Variants in DPYSL5 observed in about 807,000 individuals in gnomAD.
The protein encoded by DPYSL5 is dihydropyrimidinase like 5, also known as dihydropyrimidinase-related protein 5.
In DPYSL5, 9 loss-of-function variants were observed where a neutral mutation model predicts 58.4. That is an observed-to-expected ratio of 0.15 (90% CI 0.09 to 0.27). The LOEUF is 0.27. Ranked by LOEUF, DPYSL5 falls within the 10% of genes least tolerant of loss-of-function variation. The probability of loss-of-function intolerance (pLI) is 1.00; values close to 1 mark genes in which losing one functional copy is unlikely to be tolerated. For missense variants in DPYSL5, 499 were observed against 770.6 expected (o/e 0.65, Z 4.17); for synonymous variants, 293 against 301.9 (o/e 0.97, Z 0.31).
At chr2:26,935,691 CAAAA>C (rs60367850) in intron 8 of DPYSL5, among the ~76,000 whole-genome samples, 1 of 122,706 alleles carries the variant, frequency 8.1e-6, no homozygotes, top group Non-Finnish European at 1.6e-5. Context: ...GACTCCATCT[CAAAA>C]AAAAAAAAAA....
chr2:26,854,407 C>T (rs1051361825), intron 1 of DPYSL5, among the ~76,000 whole-genome samples: 1 of 152,004 alleles, frequency 6.6e-6, no homozygotes, highest in Non-Finnish European at 1.5e-5. Flanking sequence ...TGCAGTGAGC[C>T]AAGATCACAC....
intron 2 of DPYSL5, among the ~76,000 whole-genome samples, chr2:26,916,134 C>A (rs933757646): frequency 6.6e-6 from 1 of 152,138 alleles, no homozygotes; most frequent in Non-Finnish European, 1.5e-5. Context: ...AAACCTCCCC[C>A]GTTATTTATT....
In DPYSL5 at chr2:26,924,003, C is replaced by T. The variant is rs944481129; in HGVS notation, c.262-884C>T. On this transcript the variant is annotated intron_variant, in intron 2 of 12. Coordinates refer to ENST00000288699, the MANE Select transcript of DPYSL5 (RefSeq NM_020134.4). This position sits in a 1 kb window ranked among gnomAD's most constrained non-coding sequence, Gnocchi z 4.7. ...TTTTAAGTTTTGTTTGGGAACAACA[C>T]ATTAGCCTGAAATAGCCTTTGATCG... 3.9e-5 allele frequency among the ~76,000 whole-genome samples: 6 copies of T among 152,178 alleles called. No homozygotes were observed. Among genetic ancestry groups the T allele is most frequent in the African/African-American group, 1.4e-4 (6 of 41,434 alleles).
At chr2:26,916,043 T>C (rs4665923) in intron 2 of DPYSL5, among the ~76,000 whole-genome samples, 55,639 of 151,952 alleles carry the variant, frequency 0.37, 10,698 homozygotes, top group Admixed American at 0.53. Flanking sequence ...ATCAGCTCTA[T>C]CTCCATGTGT....
At chr2:26,932,203 G>GAAAGAAAGA (rs1553321160) in intron 6 of DPYSL5, among the ~76,000 whole-genome samples, 3 of 60,936 alleles carry the variant, frequency 4.9e-5, no homozygotes, top group African/African-American at 1.1e-4. Context: ...AAGAAAGAAA[G>GAAAGAAAGA]AAAGAAAAGA....
intron 12 of DPYSL5, among the ~76,000 whole-genome samples, chr2:26,945,333 T>G (rs1212690062): frequency 6.6e-6 from 1 of 150,956 alleles, no homozygotes; most frequent in African/African-American, 2.4e-5. Context: ...GGAATTGTAT[T>G]GTATATATTT....
chr2:26,940,949 T>TG (rs1199132565), intron 9 of DPYSL5, among the ~76,000 whole-genome samples: 3 of 142,106 alleles, frequency 2.1e-5, no homozygotes, highest in Admixed American at 6.9e-5. Context: ...TTATTTTTTT[T>TG]TGTGTGTGAT....
In DPYSL5 at chr2:26,905,347, A is replaced by G. The variant is rs1461413008; in HGVS notation, c.261+6587A>G. The stretch of plus-strand genomic sequence containing the variant: ...AGTCCCTGTCACAGAATACATATAC[A>G]ATAAATGCTAGTCCCCAGGCTGGGA... On this transcript the variant is annotated intron_variant, in intron 2 of 12. Transcript: ENST00000288699. This position sits in a 1 kb window ranked among gnomAD's most constrained non-coding sequence, Gnocchi z 4.0. Among the ~76,000 whole-genome samples the G allele has an allele frequency of 6.6e-6, 1 of 152,218 alleles. No individual in the cohort carries two copies. Among genetic ancestry groups the G allele is most frequent in the Admixed American group, 6.5e-5 (1 of 15,284 alleles).
At position 26,928,338 on chromosome 2, in the gene DPYSL5, C is replaced by T. The variant is rs1208547481; in HGVS notation, c.669+15C>T. ...GTCCAGAGGAGGTGAGAAACACTTC[C>T]TGTAGCCTTTGTCAGCGTCTCTCAT... On this transcript the variant is annotated intron_variant, in intron 5 of 12. Transcript: ENST00000288699. The T allele has an allele frequency of 6.2e-7, 1 of 1,613,370 alleles. No homozygotes were observed. The highest frequency in any genetic ancestry group is 8.5e-7 in the Non-Finnish European group (1 of 1,179,616).
chr2:26,940,690 A>G lies in DPYSL5; in HGVS notation c.1089+518A>G, dbSNP rs542765956. 3.3e-5 allele frequency among the ~76,000 whole-genome samples: 5 copies of G among 151,644 alleles called. No homozygotes were observed. The South Asian group carries it at 1.0e-3, about 32-fold the overall frequency. On this transcript the variant is annotated intron_variant, in intron 9 of 12. Coordinates refer to ENST00000288699, the MANE Select transcript of DPYSL5 (RefSeq NM_020134.4). The stretch of plus-strand genomic sequence containing the variant: ...TTTACCAACTGCTATACTAACCAGG[A>G]TTTTTTTTCTTCATATAACACTATA...
chr2:26,940,692 T>A lies in DPYSL5; in HGVS notation c.1089+520T>A, dbSNP rs370694132. 6.1e-4 allele frequency among the ~76,000 whole-genome samples: 92 copies of A among 151,772 alleles called. No homozygotes were observed. In the East Asian group the frequency reaches 0.015, roughly 25 times the overall value. On this transcript the variant is annotated intron_variant, in intron 9 of 12. Coordinates refer to ENST00000288699, the MANE Select transcript of DPYSL5 (RefSeq NM_020134.4). ...TACCAACTGCTATACTAACCAGGAT[T>A]TTTTTTCTTCATATAACACTATACC...
intron 1 of DPYSL5, among the ~76,000 whole-genome samples, chr2:26,872,458 G>A (rs533541676): frequency 4.6e-5 from 7 of 152,276 alleles, no homozygotes; most frequent in Admixed American, 1.3e-4. Flanking sequence ...TTGAGAGGCC[G>A]AGGTGGGCGG....
chr2:26,899,689 C>T (rs1173997616), intron 2 of DPYSL5, among the ~76,000 whole-genome samples: 1 of 152,198 alleles, frequency 6.6e-6, no homozygotes, highest in Non-Finnish European at 1.5e-5. Flanking sequence ...GGCCCCCTTC[C>T]CAATCCAGGG....
intron 1 of DPYSL5, among the ~76,000 whole-genome samples, chr2:26,853,496 C>T (rs2148102625): frequency 6.6e-6 from 1 of 152,238 alleles, no homozygotes; most frequent in African/African-American, 2.4e-5. Flanking sequence ...AAAAAGGACA[C>T]CCAGATGGGG....
chr2:26,872,260 C>T (rs1333236265), intron 1 of DPYSL5, among the ~76,000 whole-genome samples: 1 of 152,188 alleles, frequency 6.6e-6, no homozygotes, highest in African/African-American at 2.4e-5. Flanking sequence ...TAGACACCTT[C>T]CTTACCACTG....
intron 1 of DPYSL5, among the ~76,000 whole-genome samples, chr2:26,871,433 G>T (rs1663259803): frequency 1.3e-5 from 2 of 151,994 alleles, no homozygotes; most frequent in South Asian, 2.1e-4. Flanking sequence ...TTGAAAGAAA[G>T]ATTACATTAT....
intron 1 of DPYSL5, among the ~76,000 whole-genome samples, chr2:26,860,948 A>G (rs1665995445): frequency 6.6e-6 from 1 of 152,218 alleles, no homozygotes; most frequent in South Asian, 2.1e-4. Flanking sequence ...ACATGGCTTT[A>G]AATGTTTATC....
chr2:26,861,905 C>T (rs2148110702), intron 1 of DPYSL5, among the ~76,000 whole-genome samples: 1 of 152,316 alleles, frequency 6.6e-6, no homozygotes, highest in East Asian at 1.9e-4. Context: ...TGCTAGCAAA[C>T]TCCTTTTGGA....
chr2:26,931,120 C>T (rs1240162060), intron 5 of DPYSL5, among the ~76,000 whole-genome samples: 2 of 127,236 alleles, frequency 1.6e-5, no homozygotes, highest in Admixed American at 8.9e-5. Context: ...GCCTGGGAGA[C>T]AGAGTGAGAC....
Sources: allele counts gnomAD v4.1 joint callset (sites outside exome capture counted in the v4.1 genomes callset), GRCh38; gene constraint gnomAD v4.1.1; non-coding constraint Gnocchi (gnomAD v3.1); transcripts MANE v1.5; gene names NCBI Gene and HGNC (gene_info 2026-07-23, HGNC 2026-07-21).